The following RELN variants were observed in gnomAD, a reference collection of about 807,000 sequenced individuals.
The protein encoded by RELN is reelin.
In RELN, 108 loss-of-function variants were observed where a neutral mutation model predicts 427.6. The observed-to-expected ratio is 0.25, with a 90% CI of 0.22 to 0.30. The LOEUF is 0.30. Ranked by LOEUF, RELN falls within the 10% of genes least tolerant of loss-of-function variation. The pLI is 1.00. For missense variants in RELN, 3,715 were observed against 4,302.8 expected (o/e 0.86, Z 3.82); for synonymous variants, 1,524 against 1,513.4 (o/e 1.01, Z -0.16).
chr7:103,737,830 C>A (rs1170956796), intron 6 of RELN, among the ~76,000 whole-genome samples: 3 of 152,150 alleles, frequency 2.0e-5, no homozygotes, highest in Non-Finnish European at 4.4e-5. Context: ...TTCTAGCAAT[C>A]CAATGCAATG....
chr7:103,884,208 T>C (rs1028053890), intron 2 of RELN, among the ~76,000 whole-genome samples: 43 of 152,048 alleles, frequency 2.8e-4, no homozygotes, highest in Admixed American at 1.4e-3. Context: ...ATAAACGTCA[T>C]TGGAAAAACT....
chr7:103,535,613 T>C (rs1027165243), intron 45 of RELN, 129 bp from the exon 46 acceptor site: 1 of 809,614 alleles, frequency 1.2e-6, no homozygotes, highest in Non-Finnish European at 2.0e-6. Flanking sequence ...TACACTTATA[T>C]TTCCTGCTTT....
rs1563095328 is a variant in RELN at position 103,926,676 on chromosome 7, C to CTCG, written c.227-9492_227-9491insCGA. Among the ~76,000 whole-genome samples the CTCG allele has an allele frequency of 2.0e-3, 280 of 137,274 alleles. 1 individual carries two copies. Among genetic ancestry groups the CTCG allele is most frequent in the African/African-American group, 7.3e-3 (267 of 36,748 alleles). The allele number at this position is 137,274 out of a possible 152,430, so 90.1% of individuals were successfully genotyped here. ...TTTTTTTTTTTTGAGACGGAGTCTC[C>CTCG]CTCTGTCGCCCAGGCTAGAGGGCAG... is the stretch of plus-strand genomic sequence containing the variant. On this transcript the variant is annotated intron_variant, in intron 1 of 64. Transcript: ENST00000428762.
In RELN at chr7:103,635,509, C is replaced by G; in HGVS notation, c.2381G>C (p.Gly794Ala). The change falls in exon 19 of 65, where the codon GGA becomes GCA. Residue 794 changes from glycine to alanine, a missense_variant. Physicochemically the swap from Gly to Ala is moderately conservative, Grantham distance 60. Around this residue, in one of 4 missense-constraint regions of RELN, gnomAD observed 2,208 missense variants for 2,361.7 expected, o/e 0.93. Transcript: ENST00000428762. Reference protein sequence around the residue: ...TCRAPDQPGEGVLLHYSYDNG... With the variant: ...TCRAPDQPGEAVLLHYSYDNG... ...ATCATAAGAATAATGCAACAAAACT[C>G]CTTCACCAGGCTGATCAGGGGCTCT... 1 of 1,614,012 alleles carries G rather than the reference C, an allele frequency of 6.2e-7. No homozygotes were observed. Among genetic ancestry groups the G allele is most frequent in the Non-Finnish European group, 8.5e-7 (1 of 1,179,920 alleles).
intron 45 of RELN, among the ~76,000 whole-genome samples, chr7:103,538,829 T>C (rs1481068647): frequency 6.6e-6 from 1 of 152,242 alleles, no homozygotes; most frequent in Admixed American, 6.5e-5. Flanking sequence ...TTATTTACTG[T>C]ATAAAATAAG....
At chr7:103,739,823 G>A (rs780551256) in intron 6 of RELN, among the ~76,000 whole-genome samples, 6 of 152,168 alleles carry the variant, frequency 3.9e-5, no homozygotes, top group Non-Finnish European at 7.3e-5. Flanking sequence ...ATATGAAGGA[G>A]GCAGAAGGAC....
At chr7:103,865,331 A>G (rs1794173081) in intron 2 of RELN, among the ~76,000 whole-genome samples, 1 of 151,844 alleles carries the variant, frequency 6.6e-6, no homozygotes, top group African/African-American at 2.4e-5. Context: ...AACGTTTAAA[A>G]AGAAGTAATA....
chr7:103,779,150 G>A (rs1452404370), intron 3 of RELN, among the ~76,000 whole-genome samples: 1 of 152,162 alleles, frequency 6.6e-6, no homozygotes, highest in Non-Finnish European at 1.5e-5. Flanking sequence ...GTTCCACAGT[G>A]ATGCCCTAGG....
intron 1 of RELN, among the ~76,000 whole-genome samples, chr7:103,931,962 G>A (rs1795876352): frequency 6.6e-6 from 1 of 152,202 alleles, no homozygotes; most frequent in South Asian, 2.1e-4. Context: ...TTCAACCATT[G>A]TAGAAAGCAG....
At chr7:103,504,682 C>T (rs139073523) in intron 51 of RELN, among the ~76,000 whole-genome samples, 5 of 152,306 alleles carry the variant, frequency 3.3e-5, no homozygotes, top group African/African-American at 1.2e-4. Flanking sequence ...AAGCCGTGAG[C>T]AACTGTGCTG....
In RELN at chr7:103,510,817, G is replaced by C. The variant is rs960670720; in HGVS notation, c.8274+34C>G. On this transcript the variant is annotated intron_variant, in intron 51 of 64. Transcript: ENST00000428762. ...ATTTTTTGTTATATTGCTAATGTAT[G>C]GTTGTTTATATAATCAAGATCATAA... 32 of 1,545,400 alleles carry C rather than the reference G, an allele frequency of 2.1e-5. 1 individual carries two copies. The African/African-American group carries it at 2.4e-4, about 12-fold the overall frequency.
At chr7:103,806,126 T>C (rs774194801) in intron 3 of RELN, among the ~76,000 whole-genome samples, 19 of 152,162 alleles carry the variant, frequency 1.2e-4, no homozygotes, top group Non-Finnish European at 7.3e-5. Flanking sequence ...ATTTTTCAGG[T>C]GACAAGGGCA....
rs1264579678 is a variant in RELN at position 103,968,869 on chromosome 7, G to C, written c.226+20262C>G. Among the ~76,000 whole-genome samples the C allele has an allele frequency of 6.6e-6, 1 of 152,068 alleles. No individual in the cohort carries two copies. Among genetic ancestry groups the C allele is most frequent in the Non-Finnish European group, 1.5e-5 (1 of 68,008 alleles). ...AAGAATTTGTATATGAATTGTCATG[G>C]TTTTATGGAAATATAACAAGCCAGT... On this transcript the variant is annotated intron_variant, in intron 1 of 64. Coordinates refer to ENST00000428762, the MANE Select transcript of RELN (RefSeq NM_005045.4). The surrounding 1 kb of genome is among the most constrained non-coding windows in gnomAD (Gnocchi z 4.3).
intron 1 of RELN, among the ~76,000 whole-genome samples, chr7:103,960,336 C>T (rs1796523662): frequency 6.6e-6 from 1 of 152,180 alleles, no homozygotes; most frequent in South Asian, 2.1e-4. Context: ...AAAACTCTTG[C>T]TCTAGTGAGC....
intron 24 of RELN, 44 bp from the exon 25 acceptor site, chr7:103,596,705 C>G (rs371914517): frequency 2.6e-6 from 4 of 1,562,848 alleles, no homozygotes; most frequent in Admixed American, 1.7e-5. Flanking sequence ...TCTGGGAGTT[C>G]TTTGGCATTT....
intron 2 of RELN, among the ~76,000 whole-genome samples, chr7:103,851,580 G>C (rs1793823305): frequency 1.3e-5 from 2 of 152,160 alleles, no homozygotes; most frequent in Non-Finnish European, 2.9e-5. Flanking sequence ...TGAAGTCTTT[G>C]CTACAGCTTC....
intron 41 of RELN, among the ~76,000 whole-genome samples, chr7:103,550,613 CTT>C (rs556298996): frequency 2.8e-4 from 34 of 122,546 alleles, no homozygotes; most frequent in Admixed American, 2.5e-4. Flanking sequence ...AACGTGCTAA[CTT>C]TTTTTTTTTT....
chr7:103,604,480 G>T lies in RELN; in HGVS notation c.3012C>A (p.Ser1004=). Residue 1004 remains serine, a synonymous_variant, in exon 23 of 65, where the codon TCC becomes TCA. Coordinates refer to ENST00000428762, the MANE Select transcript of RELN (RefSeq NM_005045.4). ...GGCTCCAGCGGAAACGGGTAGCACT[G>T]GACCTAGAAACACGGTATAGTATAA... ...VIVLLPQKTW[S]SATRFRWSQS... 6.2e-7 allele frequency: 1 copy of T among 1,613,858 alleles called. No homozygotes were observed. The highest frequency in any genetic ancestry group is 1.1e-5 in the South Asian group (1 of 91,084).
At chr7:103,756,008 G>A (rs1366674456) in intron 4 of RELN, among the ~76,000 whole-genome samples, 1 of 152,064 alleles carries the variant, frequency 6.6e-6, no homozygotes, top group Non-Finnish European at 1.5e-5. Context: ...GAAAAGTTAT[G>A]ACAATTATTA....
Sources: allele counts gnomAD v4.1 joint callset (sites outside exome capture counted in the v4.1 genomes callset), GRCh38; gene constraint gnomAD v4.1.1; regional missense constraint gnomAD v4.1.1; non-coding constraint Gnocchi (gnomAD v3.1); transcripts MANE v1.5; gene names NCBI Gene and HGNC (gene_info 2026-07-23, HGNC 2026-07-21).